The following DMRT1 variants were observed in gnomAD, a reference collection of about 807,000 sequenced individuals.
DMRT1 encodes the protein doublesex- and mab-3-related transcription factor 1.
In DMRT1, 7 loss-of-function variants were observed where a neutral mutation model predicts 32.3. The observed-to-expected ratio is 0.22, with a 90% CI of 0.12 to 0.41. DMRT1 has a LOEUF of 0.41. DMRT1 is among the 10% of genes least tolerant of loss of function. DMRT1 has a pLI of 1.00. For missense variants in DMRT1, 625 were observed against 500.5 expected, an observed-to-expected ratio of 1.25 and a Z score of -2.37; for synonymous variants, 278 against 206.1, an observed-to-expected ratio of 1.35 and a Z score of -2.99.
At chr9:894,357 C>A in intron 3 of DMRT1, 162 bp downstream of exon 3, 1 of 772,044 alleles carries the variant, frequency 1.3e-6, no homozygotes, top group Non-Finnish European at 2.2e-6. Flanking sequence ...TGCCATTTTG[C>A]ACACATGTAG....
chr9:848,412 T>A (rs987432621), intron 2 of DMRT1, among the ~76,000 whole-genome samples: 2 of 152,168 alleles, frequency 1.3e-5, no homozygotes, highest in Non-Finnish European at 2.9e-5. Context: ...GGAAGGTGTG[T>A]CTGTCTGTGT....
chr9:864,307 C>T (rs1367366534), intron 2 of DMRT1, among the ~76,000 whole-genome samples: 5 of 149,932 alleles, frequency 3.3e-5, no homozygotes, highest in African/African-American at 7.4e-5. Context: ...CAGGTTCAAG[C>T]GATTCTCCAC....
Position 854,139 on chromosome 9 carries a change from CAG to C in DMRT1, c.538+6999_538+7000del, listed in dbSNP as rs1815286406. Among the ~76,000 whole-genome samples the C allele has an allele frequency of 2.0e-5, 3 of 150,682 alleles. No homozygotes were observed. In the South Asian group the frequency reaches 6.3e-4, roughly 32 times the overall value. On this transcript the variant is annotated intron_variant, in intron 2 of 4. Coordinates refer to ENST00000382276, the MANE Select transcript of DMRT1 (RefSeq NM_021951.3). ...TTTTTTTTTTTAATTTTTCAAGAGA[CAG>C]AGGTTCGTTCTGTTGCCCAGGTTGG...
chr9:898,412 C>T (rs1460901201), intron 3 of DMRT1, among the ~76,000 whole-genome samples: 1 of 152,204 alleles, frequency 6.6e-6, no homozygotes, highest in Non-Finnish European at 1.5e-5. Flanking sequence ...AGTCACCGTG[C>T]CTGGCCCAGA....
chr9:898,638 C>G (rs1410306802), intron 3 of DMRT1, among the ~76,000 whole-genome samples: 2 of 152,176 alleles, frequency 1.3e-5, no homozygotes, highest in Non-Finnish European at 2.9e-5. Flanking sequence ...CACCGCTGCA[C>G]TTGGAGAGCA....
chr9:903,216 G>A (rs1169659754), intron 3 of DMRT1, among the ~76,000 whole-genome samples: 1 of 152,158 alleles, frequency 6.6e-6, no homozygotes, highest in Non-Finnish European at 1.5e-5. Context: ...AGGGAGCAAA[G>A]CTTTCTTTCT....
intron 3 of DMRT1, among the ~76,000 whole-genome samples, chr9:915,353 C>T (rs545925721): frequency 1.3e-5 from 2 of 152,256 alleles, no homozygotes; most frequent in East Asian, 1.9e-4. Context: ...CCTTTCTAAG[C>T]CATCAAGTCA....
intron 4 of DMRT1, among the ~76,000 whole-genome samples, chr9:944,215 T>A (rs1477136399): frequency 6.6e-6 from 1 of 152,246 alleles, no homozygotes; most frequent in Non-Finnish European, 1.5e-5. Flanking sequence ...TAATTTGTAG[T>A]TACTACCTTT....
chr9:936,678 T>G (rs1326538075), intron 4 of DMRT1, among the ~76,000 whole-genome samples: 2 of 148,656 alleles, frequency 1.3e-5, no homozygotes, highest in Non-Finnish European at 1.5e-5. Context: ...CGCTTGAACC[T>G]GGGAGGCGGA....
In DMRT1 at chr9:908,718, A is replaced by G. The variant is rs994208308; in HGVS notation, c.823-8045A>G. Among the ~76,000 whole-genome samples, 6 of 151,776 alleles carry G rather than the reference A, an allele frequency of 4.0e-5. No individual in the cohort carries two copies. The East Asian group carries it at 5.8e-4, about 15-fold the overall frequency. On this transcript the variant is annotated intron_variant, in intron 3 of 4. Coordinates refer to ENST00000382276, the MANE Select transcript of DMRT1 (RefSeq NM_021951.3). ...CTTTTTCTTTTGTTTTTGCATGTGT[A>G]GTGGGAAATTTGGGATTTGCAACTT...
intron 1 of DMRT1, among the ~76,000 whole-genome samples, chr9:844,937 G>C (rs1462775047): frequency 6.6e-6 from 1 of 152,036 alleles, no homozygotes; most frequent in African/African-American, 2.4e-5. Context: ...GGCCAGGCTG[G>C]TCTCAAACTC....
chr9:958,918 T>C (rs980861326), intron 4 of DMRT1, among the ~76,000 whole-genome samples: 3 of 152,206 alleles, frequency 2.0e-5, no homozygotes, highest in African/African-American at 7.2e-5. Flanking sequence ...TCCTTTTTCT[T>C]AGCCTTAACG....
chr9:887,241 T>C (rs1017367585), intron 2 of DMRT1, among the ~76,000 whole-genome samples: 1 of 152,192 alleles, frequency 6.6e-6, no homozygotes, highest in Admixed American at 6.5e-5. Flanking sequence ...AGGGAATTCA[T>C]AGAAAAGGAG....
chr9:919,903 T>A (rs1818301829), intron 4 of DMRT1, among the ~76,000 whole-genome samples: 1 of 152,030 alleles, frequency 6.6e-6, no homozygotes, highest in African/African-American at 2.4e-5. Context: ...AAGAGAGGAG[T>A]GAAGGATGAC....
At chr9:933,402 A>G (rs1014504315) in intron 4 of DMRT1, among the ~76,000 whole-genome samples, 1 of 152,212 alleles carries the variant, frequency 6.6e-6, no homozygotes, top group South Asian at 2.1e-4. Context: ...AAGACCAAGT[A>G]TGTTTCTGCG....
chr9:943,713 A>T (rs1388207478), intron 4 of DMRT1, among the ~76,000 whole-genome samples: 1 of 152,202 alleles, frequency 6.6e-6, no homozygotes, highest in East Asian at 1.9e-4. Flanking sequence ...GTTGGAAATA[A>T]CGTGTTAAAG....
chr9:874,872 A>G (rs1463590598), intron 2 of DMRT1, among the ~76,000 whole-genome samples: 1 of 125,662 alleles, frequency 8.0e-6, no homozygotes, highest in East Asian at 2.3e-4. Context: ...CAGTGGCGCT[A>G]TCTCACTTCA....
At chr9:927,917 C>T (rs553608348) in intron 4 of DMRT1, among the ~76,000 whole-genome samples, 4 of 152,144 alleles carry the variant, frequency 2.6e-5, no homozygotes, top group Non-Finnish European at 4.4e-5. Context: ...TTGGAATGTC[C>T]GTTTGATAGG....
intron 1 of DMRT1, chr9:842,420 A>G: frequency 1.7e-6 from 1 of 597,214 alleles, no homozygotes; most frequent in Non-Finnish European, 2.9e-6. Flanking sequence ...TTTTTAGTAG[A>G]GACGGGGGTT....
Sources: gnomAD v4.1 joint callset for allele counts (sites outside exome capture counted in the v4.1 genomes callset) on GRCh38, gnomAD v4.1.1 for gene constraint, MANE v1.5 for transcripts, NCBI Gene and HGNC (gene_info 2026-07-23, HGNC 2026-07-21) for gene names.